The following PCDHGB2 variants were observed in gnomAD, a reference collection of about 807,000 sequenced individuals.
PCDHGB2 encodes protocadherin gamma-B2.
In PCDHGB2, 55 loss-of-function variants were observed where a neutral mutation model predicts 59.3. The observed-to-expected ratio is 0.93, with a 90% CI of 0.75 to 1.16. PCDHGB2 has a LOEUF of 1.16. Ranked by LOEUF, PCDHGB2 falls within the 50% of genes most tolerant of loss-of-function variation. The probability of loss-of-function intolerance (pLI) is 0.00; values close to 1 mark genes in which losing one functional copy is unlikely to be tolerated. For synonymous variants in PCDHGB2, 516 were observed against 512.0 expected (o/e 1.01, Z -0.11); for missense variants, 1,228 against 1,198.5 (o/e 1.02, Z -0.36).
At chr5:141,374,785 T>A in intron 1 of PCDHGB2, 1 of 1,613,874 alleles carries the variant, frequency 6.2e-7, no homozygotes, top group Non-Finnish European at 8.5e-7. Context: ...CAGTTCTAGA[T>A]GTGAATGACA....
At chr5:141,408,815 C>T (rs770899981) in intron 1 of PCDHGB2, 1 of 1,613,406 alleles carries the variant, frequency 6.2e-7, no homozygotes, top group Non-Finnish European at 8.5e-7. Flanking sequence ...CCGGGAAGAA[C>T]AGAGATCTCA....
At chr5:141,396,729 T>C (rs1197764011) in intron 1 of PCDHGB2, 1 of 152,214 alleles carries the variant, frequency 6.6e-6, no homozygotes, top group Non-Finnish European at 1.5e-5. Flanking sequence ...CCTGAATTGA[T>C]TGTTGTAAGG....
Position 141,361,018 on chromosome 5 carries a change from A to G in PCDHGB2, c.883A>G (p.Asn295Asp). 6.2e-7 allele frequency: 1 copy of G among 1,613,362 alleles called. No individual in the cohort carries two copies. The highest frequency in any genetic ancestry group is 8.5e-7 in the Non-Finnish European group (1 of 1,179,540). The change falls in exon 1 of 4, where the codon AAT (asparagine) becomes GAT (aspartate). Residue 295 changes from asparagine (N) to aspartate (D), a missense_variant. Physicochemically the swap from Asn to Asp is conservative, Grantham distance 23 (BLOSUM62 1). Coordinates refer to ENST00000522605, the MANE Select transcript of PCDHGB2 (RefSeq NM_018923.3). ...DEQVKHFFNL[N>D]EKTGEITTKD... ...ACAAGTGAAACACTTTTTCAACTTA[A>G]ATGAAAAAACAGGAGAAATCACGAC...
Position 141,511,035 on chromosome 5 carries a change from C to A in PCDHGB2, c.2658C>A (p.His886Gln). Residue 886 changes from histidine to glutamine, a missense_variant, in exon 4 of 4, where the codon CAC becomes CAA. Physicochemically the swap from His to Gln is conservative, Grantham distance 24 (BLOSUM62 0). Transcript: ENST00000522605. The stretch of plus-strand genomic sequence containing the variant: ...ACGGACCCCAGTTCACCCTGCAGCA[C>A]GTGCCCGACTACCGCCAGAATGTCT... ...ARYGPQFTLQ[H>Q]VPDYRQNVYI... 2 of 1,614,208 alleles carry A rather than the reference C, an allele frequency of 1.2e-6. No individual in the cohort carries two copies. The highest frequency in any genetic ancestry group is 1.1e-5 in the South Asian group (1 of 91,088).
chr5:141,437,622 A>G (rs1007643306), intron 1 of PCDHGB2, among the ~76,000 whole-genome samples: 2 of 152,192 alleles, frequency 1.3e-5, no homozygotes, highest in Non-Finnish European at 2.9e-5. Flanking sequence ...TTATCCCCAT[A>G]TAAGATGTCA....
chr5:141,384,492 A>G, intron 1 of PCDHGB2: 1 of 1,614,164 alleles, frequency 6.2e-7, no homozygotes, highest in South Asian at 1.1e-5. Flanking sequence ...TACAACTAAG[A>G]GTGACTGCAC....
At chr5:141,409,870 T>C in intron 1 of PCDHGB2, 1 of 1,612,788 alleles carries the variant, frequency 6.2e-7, no homozygotes, top group Non-Finnish European at 8.5e-7. Flanking sequence ...GAGACCGCAA[T>C]GACAACGCAC....
intron 1 of PCDHGB2, among the ~76,000 whole-genome samples, chr5:141,373,018 T>C (rs200877775): frequency 1.8e-4 from 27 of 152,226 alleles, no homozygotes; most frequent in Non-Finnish European, 1.5e-4. Context: ...CTCCTTTTGA[T>C]AGTCTTGAAA....
intron 1 of PCDHGB2, chr5:141,384,717 C>A (rs575459465): frequency 6.8e-6 from 11 of 1,614,166 alleles, no homozygotes; most frequent in Non-Finnish European, 9.3e-6. Context: ...GGCTGTCATA[C>A]CTCCTGCTTA....
At chr5:141,364,449 A>G in intron 1 of PCDHGB2, 1 of 1,613,984 alleles carries the variant, frequency 6.2e-7, no homozygotes, top group Admixed American at 1.7e-5. Context: ...GAGGAGCTGG[A>G]CAAAGGCTCC....
At chr5:141,387,526 G>A (rs186607627) in intron 1 of PCDHGB2, among the ~76,000 whole-genome samples, 58 of 152,324 alleles carry the variant, frequency 3.8e-4, no homozygotes, top group African/African-American at 1.3e-3. Context: ...ATATACAGAC[G>A]TATCCACGTA....
At chr5:141,403,060 T>G (rs2094346399) in intron 1 of PCDHGB2, 2 of 1,614,042 alleles carry the variant, frequency 1.2e-6, no homozygotes, top group Non-Finnish European at 8.5e-7. Flanking sequence ...ACTCAGTGCC[T>G]GAAGAGACAG....
intron 1 of PCDHGB2, chr5:141,422,123 C>A: frequency 6.2e-7 from 1 of 1,601,290 alleles, no homozygotes; most frequent in South Asian, 1.1e-5. Context: ...GATTCACAAA[C>A]TGGAGAAGTT....
At chr5:141,386,997 C>T (rs1001565782) in intron 1 of PCDHGB2, among the ~76,000 whole-genome samples, 2 of 152,070 alleles carry the variant, frequency 1.3e-5, no homozygotes, top group African/African-American at 4.8e-5. Context: ...ATGTATTATC[C>T]CCCTGATAAC....
At chr5:141,481,894 A>G (rs1278425155) in intron 1 of PCDHGB2, among the ~76,000 whole-genome samples, 1 of 145,812 alleles carries the variant, frequency 6.9e-6, no homozygotes, top group Non-Finnish European at 1.5e-5. Flanking sequence ...AGCCTGGGTG[A>G]AAGAGCGAAA....
intron 1 of PCDHGB2, among the ~76,000 whole-genome samples, chr5:141,449,588 C>CAA (rs768743917): frequency 2.4e-4 from 14 of 57,430 alleles, no homozygotes; most frequent in Non-Finnish European, 3.7e-4. Flanking sequence ...GACTCTGTCT[C>CAA]AAAAAAAAAA....
At position 141,393,679 on chromosome 5, in the gene PCDHGB2, C is replaced by T. The variant is rs1188443485; in HGVS notation, c.2421+31123C>T. 4.3e-6 allele frequency: 7 copies of T among 1,613,894 alleles called. No individual in the cohort carries two copies. Among genetic ancestry groups the T allele is most frequent in the Non-Finnish European group, 5.9e-6 (7 of 1,179,900 alleles). ...TTCCGGAAAATTAATGAAAAACAAA[C>T]TCCGTTATTCCAGCTTAATGAAAAT... On this transcript the variant is annotated intron_variant, in intron 1 of 3. Transcript: ENST00000522605.
rs549047197 is a variant in PCDHGB2, at chr5:141,502,866, C to CTTTTTTTTTTTTTTT, written c.2481-2513_2481-2512insTTTTTTTTTTTTTTT. Reference sequence around the variant, plus strand: ...GAGCTGCCTAACCCTGACTCTCTGTCTTTTTTTTTTTTTTGACAGGGAGTC... The same window carrying CTTTTTTTTTTTTTTT: ...GAGCTGCCTAACCCTGACTCTCTGTCTTTTTTTTTTTTTTTTTTTTTTTTTTTTTGACAGGGAGTC... On this transcript the variant is annotated intron_variant, in intron 2 of 3. Coordinates refer to ENST00000522605, the MANE Select transcript of PCDHGB2 (RefSeq NM_018923.3). 1.1e-4 allele frequency among the ~76,000 whole-genome samples: 14 copies of CTTTTTTTTTTTTTTT among 128,026 alleles called. 3 individuals are homozygous for CTTTTTTTTTTTTTTT. Among genetic ancestry groups the CTTTTTTTTTTTTTTT allele is most frequent in the Admixed American group, 1.7e-4 (2 of 11,664 alleles). The allele number at this position is 128,026 out of a possible 152,430, so 84.0% of individuals were successfully genotyped here.
chr5:141,506,266 T>A (rs1397052417), intron 3 of PCDHGB2, among the ~76,000 whole-genome samples: 1 of 151,862 alleles, frequency 6.6e-6, no homozygotes, highest in Non-Finnish European at 1.5e-5. Context: ...CTGGCCAACA[T>A]AGTGAAACCC....
Sources: allele counts gnomAD v4.1 joint callset (sites outside exome capture counted in the v4.1 genomes callset), GRCh38; gene constraint gnomAD v4.1.1; transcripts MANE v1.5; gene names NCBI Gene and HGNC (gene_info 2026-07-23, HGNC 2026-07-21).